CNTN5: variants seen among roughly 807,000 people sequenced by gnomAD.
CNTN5 encodes contactin 5, also known as contactin-5.
CNTN5 carries 77 observed loss-of-function variants against 129.1 expected under a neutral mutation model. The ratio of observed to expected loss-of-function variants is 0.60; its 90% CI spans 0.50 to 0.72. The LOEUF is 0.72. CNTN5 is among the 30% of genes least tolerant of loss of function. The pLI, the probability that CNTN5 is intolerant of heterozygous loss-of-function variation, is 0.00. For synonymous variants in CNTN5, 509 were observed against 465.6 expected (o/e 1.09, Z -1.20); for missense variants, 1,478 against 1,328.8 (o/e 1.11, Z -1.75).
At chr11:99,503,349 G>T (rs972526943) in intron 2 of CNTN5, among the ~76,000 whole-genome samples, 4 of 152,144 alleles carry the variant, frequency 2.6e-5, no homozygotes, top group Non-Finnish European at 5.9e-5. Flanking sequence ...TATGAATAAA[G>T]TTTGTTCCCA....
At chr11:99,683,059 C>G (rs1367780435) in intron 3 of CNTN5, among the ~76,000 whole-genome samples, 1 of 151,752 alleles carries the variant, frequency 6.6e-6, no homozygotes, top group African/African-American at 2.4e-5. Context: ...ACATATAATT[C>G]CATGGTTGAT....
At chr11:99,622,338 A>G (rs907789854) in intron 3 of CNTN5, among the ~76,000 whole-genome samples, 47 of 152,288 alleles carry the variant, frequency 3.1e-4, no homozygotes, top group Admixed American at 7.9e-4. Flanking sequence ...AAAGCCCTAT[A>G]GTATGACTAA....
At chr11:100,319,785 T>C (rs1480882532) in intron 21 of CNTN5, among the ~76,000 whole-genome samples, 1 of 152,190 alleles carries the variant, frequency 6.6e-6, no homozygotes, top group Non-Finnish European at 1.5e-5. Context: ...AGTCCACATA[T>C]GGGTAAGACC....
At position 100,347,197 on chromosome 11, in the gene CNTN5, A is replaced by T. The variant is rs570577206; in HGVS notation, c.3031-3505A>T. Reference sequence around the variant, plus strand: ...TCAGTTGAGATTCCAGATTCCTGAGATATATGTACACTTGGGTTGATACTG... The same window carrying T: ...TCAGTTGAGATTCCAGATTCCTGAGTTATATGTACACTTGGGTTGATACTG... On this transcript the variant is annotated intron_variant, in intron 23 of 24. Coordinates refer to ENST00000524871, the MANE Select transcript of CNTN5 (RefSeq NM_014361.4). Among the ~76,000 whole-genome samples the T allele has an allele frequency of 3.7e-4, 57 of 152,244 alleles. 2 individuals carry two copies. The South Asian group carries it at 0.012, about 31-fold the overall frequency.
intron 1 of CNTN5, among the ~76,000 whole-genome samples, chr11:99,269,853 A>G (rs1379586497): frequency 6.6e-6 from 1 of 151,978 alleles, no homozygotes; most frequent in South Asian, 2.1e-4. Context: ...TTTGATTTTC[A>G]TAAGTGACTG....
At chr11:99,854,502 G>C (rs1436798369) in intron 6 of CNTN5, among the ~76,000 whole-genome samples, 1 of 152,134 alleles carries the variant, frequency 6.6e-6, no homozygotes, top group East Asian at 1.9e-4. Flanking sequence ...AAATAAACGA[G>C]AATTTGTAAG....
chr11:99,514,208 G>T (rs1198996051), intron 2 of CNTN5, among the ~76,000 whole-genome samples: 3 of 152,046 alleles, frequency 2.0e-5, no homozygotes, highest in Non-Finnish European at 4.4e-5. Context: ...CTGAATTACT[G>T]CAATCTCATG....
chr11:99,773,579 C>G (rs1480883030), intron 3 of CNTN5, among the ~76,000 whole-genome samples: 2 of 151,944 alleles, frequency 1.3e-5, no homozygotes, highest in African/African-American at 4.8e-5. Flanking sequence ...GACCACTTAG[C>G]CTTACACATA....
At chr11:99,103,146 T>TTTATCTCCCA (rs1222477459) in intron 1 of CNTN5, among the ~76,000 whole-genome samples, 1 of 152,130 alleles carries the variant, frequency 6.6e-6, no homozygotes, top group Admixed American at 6.6e-5. Context: ...ACCCCAGTGG[T>TTTATCTCCCA]TTATCTCCCA....
At chr11:100,063,139 T>C (rs1238913885) in intron 10 of CNTN5, among the ~76,000 whole-genome samples, 1 of 152,128 alleles carries the variant, frequency 6.6e-6, no homozygotes. Flanking sequence ...TTGTATGTTC[T>C]AGGGACTGAG....
At chr11:99,197,129 A>G (rs1008684446) in intron 1 of CNTN5, among the ~76,000 whole-genome samples, 1 of 151,978 alleles carries the variant, frequency 6.6e-6, no homozygotes, top group African/African-American at 2.4e-5. Flanking sequence ...CACATTTGGA[A>G]TATTTTACAA....
intron 2 of CNTN5, among the ~76,000 whole-genome samples, chr11:99,517,365 T>C (rs1417163558): frequency 6.6e-6 from 1 of 152,088 alleles, no homozygotes; most frequent in Non-Finnish European, 1.5e-5. Context: ...ACAGCCTTTT[T>C]CTACAATGCA....
intron 3 of CNTN5, among the ~76,000 whole-genome samples, chr11:99,607,067 G>A (rs1283051044): frequency 1.6e-4 from 19 of 119,250 alleles, no homozygotes; most frequent in Non-Finnish European, 3.2e-4. Context: ...AACACCAAAA[G>A]CAATGGCAAC....
intron 12 of CNTN5, among the ~76,000 whole-genome samples, chr11:100,073,740 G>A (rs537578798): frequency 1.5e-4 from 23 of 152,028 alleles, no homozygotes; most frequent in South Asian, 4.2e-4. Context: ...ATTAAGATTC[G>A]TAGATGGGAA....
intron 2 of CNTN5, among the ~76,000 whole-genome samples, chr11:99,451,599 G>T (rs1178760343): frequency 1.3e-5 from 2 of 152,130 alleles, no homozygotes; most frequent in Non-Finnish European, 2.9e-5. Flanking sequence ...ATGTTAGAAA[G>T]CATCATAAGA....
intron 16 of CNTN5, among the ~76,000 whole-genome samples, chr11:100,243,044 T>G (rs1028244319): frequency 2.0e-5 from 3 of 152,200 alleles, no homozygotes; most frequent in Non-Finnish European, 4.4e-5. Context: ...CCTTTGAAGC[T>G]TGGCACTTCC....
At chr11:99,222,223 A>G (rs1461036505) in intron 1 of CNTN5, among the ~76,000 whole-genome samples, 2 of 151,990 alleles carry the variant, frequency 1.3e-5, no homozygotes, top group Non-Finnish European at 2.9e-5. Flanking sequence ...TTATAGACAT[A>G]TAGATTATAT....
At chr11:99,397,272 T>A (rs1941574158) in intron 2 of CNTN5, among the ~76,000 whole-genome samples, 1 of 151,812 alleles carries the variant, frequency 6.6e-6, no homozygotes, top group African/African-American at 2.4e-5. Context: ...ACAATTCTCA[T>A]CATATCAAAA....
At chr11:99,854,373 A>T (rs941841535) in intron 6 of CNTN5, among the ~76,000 whole-genome samples, 1 of 152,220 alleles carries the variant, frequency 6.6e-6, no homozygotes, top group East Asian at 1.9e-4. Context: ...ACACCAAAGA[A>T]TAAGAATGTT....
Sources: allele counts gnomAD v4.1 joint callset (sites outside exome capture counted in the v4.1 genomes callset), GRCh38; gene constraint gnomAD v4.1.1; transcripts MANE v1.5; gene names NCBI Gene and HGNC (gene_info 2026-07-23, HGNC 2026-07-21).